The following MGST1 variants were observed in gnomAD, a reference collection of about 807,000 sequenced individuals.
The protein encoded by MGST1 is microsomal glutathione S-transferase 1, also known as glutathione S-transferase 12.
In MGST1, 5 loss-of-function variants were observed where a neutral mutation model predicts 8.9. The observed-to-expected ratio is 0.56, with a 90% CI of 0.29 to 1.19. MGST1 has a LOEUF of 1.19. Ranked by LOEUF, MGST1 falls within the 50% of genes most tolerant of loss-of-function variation. MGST1 has a pLI of 0.08. For missense variants in MGST1, 182 were observed against 187.4 expected, an observed-to-expected ratio of 0.97 and a Z score of 0.17; for synonymous variants, 54 against 67.8, an observed-to-expected ratio of 0.80 and a Z score of 1.00.
chr12:16,496,656 A>G (rs1049441320), intron 4 of MGST1, among the ~76,000 whole-genome samples: 2 of 151,968 alleles, frequency 1.3e-5, no homozygotes, highest in African/African-American at 2.4e-5. Context: ...GTAGTTCCCC[A>G]TGTCTATTGT....
At chr12:16,495,618 G>T (rs1281997108) in intron 4 of MGST1, among the ~76,000 whole-genome samples, 1 of 151,602 alleles carries the variant, frequency 6.6e-6, no homozygotes, top group African/African-American at 2.4e-5. Flanking sequence ...TTTCCAACCG[G>T]AAAATGACCA....
At chr12:16,365,863 G>A (rs1439523524), downstream of MGST1, among the ~76,000 whole-genome samples, 1 of 152,216 alleles carries the variant, frequency 6.6e-6, no homozygotes, top group Non-Finnish European at 1.5e-5. Context: ...TTTTCTGTAT[G>A]TGGAGCAATT....
chr12:16,516,076 T>C (rs1375872928), intron 4 of MGST1, among the ~76,000 whole-genome samples: 1 of 152,190 alleles, frequency 6.6e-6, no homozygotes, highest in Non-Finnish European at 1.5e-5. Context: ...ACTCATTTTT[T>C]TAATGTCAGG....
rs181637663 is a variant in MGST1 at position 16,568,084 on chromosome 12, A to G, written n.483-21444A>G. Reference sequence around the variant, plus strand: ...ACACTGGCAACAATAGAAAATAAAAAGGAATACTAAAGGTGAGGAAAGAGA... The same window carrying G: ...ACACTGGCAACAATAGAAAATAAAAGGGAATACTAAAGGTGAGGAAAGAGA... On this transcript the variant is annotated intron_variant and non_coding_transcript_variant, in intron 4 of 4. Coordinates refer to the MGST1 transcript ENST00000538857. 8.7e-3 allele frequency among the ~76,000 whole-genome samples: 1,326 copies of G among 152,326 alleles called. 14 individuals are homozygous for G. Among genetic ancestry groups the G allele is most frequent in the Middle Eastern group, 0.037 (11 of 294 alleles).
intron 4 of MGST1, among the ~76,000 whole-genome samples, chr12:16,563,208 A>G (rs1942465231): frequency 6.6e-6 from 1 of 152,154 alleles, no homozygotes; most frequent in East Asian, 1.9e-4. Flanking sequence ...GGAGATGCGG[A>G]AATCTGATCT....
chr12:16,490,429 T>A (rs901772688), intron 4 of MGST1, among the ~76,000 whole-genome samples: 3 of 152,216 alleles, frequency 2.0e-5, no homozygotes, highest in Admixed American at 6.5e-5. Flanking sequence ...ATAGCCAACA[T>A]GTAATATGAA....
At chr12:16,440,602 G>T (rs1392998931), downstream of MGST1, among the ~76,000 whole-genome samples, 2 of 151,670 alleles carry the variant, frequency 1.3e-5, no homozygotes, top group Non-Finnish European at 2.9e-5. Flanking sequence ...TTCTGGTGTG[G>T]AATTCCATTG....
chr12:16,479,725 A>T (rs1941352431), intron 4 of MGST1, among the ~76,000 whole-genome samples: 1 of 151,732 alleles, frequency 6.6e-6, no homozygotes, highest in African/African-American at 2.4e-5. Flanking sequence ...TGTAGAGATG[A>T]AGGTCTCACT....
downstream of MGST1, among the ~76,000 whole-genome samples, chr12:16,364,888 C>A (rs540867763): frequency 1.3e-5 from 2 of 152,142 alleles, no homozygotes; most frequent in East Asian, 3.9e-4. The surrounding 1 kb of genome is among the most constrained non-coding windows in gnomAD (Gnocchi z 5.7). Flanking sequence ...TTTTGTATAA[C>A]CTTGACATTT....
intron 1 of MGST1, among the ~76,000 whole-genome samples, chr12:16,393,062 G>A (rs865897422): frequency 2.1e-4 from 32 of 152,134 alleles, no homozygotes; most frequent in Middle Eastern, 3.4e-3. Context: ...TTTATAAGGG[G>A]GAAGTTAAAA....
chr12:16,464,864 G>A (rs1012925649), intron 4 of MGST1, among the ~76,000 whole-genome samples: 4 of 152,100 alleles, frequency 2.6e-5, no homozygotes, highest in African/African-American at 9.7e-5. Flanking sequence ...TACACATAAC[G>A]CCAGGGAAAC....
intron 4 of MGST1, among the ~76,000 whole-genome samples, chr12:16,510,573 A>G (rs1472655710): frequency 1.3e-5 from 2 of 152,178 alleles, no homozygotes; most frequent in Non-Finnish European, 2.9e-5. Context: ...TTGGTTTTCC[A>G]TTTTGAATTT....
intron 4 of MGST1, among the ~76,000 whole-genome samples, chr12:16,566,040 A>ATGT (rs1942598708): frequency 9.4e-6 from 1 of 106,802 alleles, no homozygotes; most frequent in Non-Finnish European, 1.9e-5. Flanking sequence ...ATATATATAT[A>ATGT]AAATGGAGTA....
At chr12:16,496,878 T>C (rs1455464333) in intron 4 of MGST1, among the ~76,000 whole-genome samples, 1 of 151,998 alleles carries the variant, frequency 6.6e-6, no homozygotes, top group Non-Finnish European at 1.5e-5. Context: ...AGAAAACATA[T>C]AGGAGGTTAA....
intron 1 of MGST1, chr12:16,399,761 G>T: frequency 8.6e-7 from 1 of 1,163,380 alleles, no homozygotes; most frequent in Non-Finnish European, 1.3e-6. Context: ...TGTACTTCAG[G>T]TTGCAGGAAT....
intron 4 of MGST1, among the ~76,000 whole-genome samples, chr12:16,464,089 T>C (rs991978933): frequency 6.6e-6 from 1 of 152,222 alleles, no homozygotes; most frequent in Non-Finnish European, 1.5e-5. Flanking sequence ...TTATACTTCA[T>C]CTGTGAAGTG....
chr12:16,569,283 C>T (rs997837423), intron 4 of MGST1, among the ~76,000 whole-genome samples: 1 of 152,130 alleles, frequency 6.6e-6, no homozygotes, highest in Non-Finnish European at 1.5e-5. Flanking sequence ...GTTTTTCCTT[C>T]TCACTATACT....
At chr12:16,489,085 G>T (rs1289778459) in intron 4 of MGST1, among the ~76,000 whole-genome samples, 1 of 151,970 alleles carries the variant, frequency 6.6e-6, no homozygotes, top group Non-Finnish European at 1.5e-5. Flanking sequence ...ACTCCAGCCT[G>T]GGTGACAGAG....
At chr12:16,381,487 T>C (rs1271574160), downstream of MGST1, among the ~76,000 whole-genome samples, 1 of 152,230 alleles carries the variant, frequency 6.6e-6, no homozygotes, top group Non-Finnish European at 1.5e-5. Context: ...TTCTGGCTTG[T>C]AGAGTTTCTG....
Sources: gnomAD v4.1 joint callset for allele counts (sites outside exome capture counted in the v4.1 genomes callset) on GRCh38, gnomAD v4.1.1 for gene constraint, Gnocchi (gnomAD v3.1) non-coding constraint, MANE v1.5 for transcripts, NCBI Gene and HGNC (gene_info 2026-07-23, HGNC 2026-07-21) for gene names.